CDH6: variants seen among roughly 807,000 people sequenced by gnomAD.
The protein encoded by CDH6 is cadherin-6.
Under a neutral mutation model 78.0 loss-of-function variants are expected in CDH6, and 31 were observed. The ratio of observed to expected loss-of-function variants is 0.40; its 90% CI spans 0.30 to 0.54. The LOEUF (loss-of-function observed/expected upper bound fraction) is 0.54. Ranked by LOEUF, CDH6 falls within the 20% of genes least tolerant of loss-of-function variation. The pLI, the probability that CDH6 is intolerant of heterozygous loss-of-function variation, is 0.56. For missense variants in CDH6, 724 were observed against 975.9 expected (o/e 0.74, Z 3.44); for synonymous variants, 376 against 368.8 (o/e 1.02, Z -0.23).
chr5:31,265,206 T>C (rs1328326109), intron 1 of CDH6, among the ~76,000 whole-genome samples: 1 of 152,234 alleles, frequency 6.6e-6, no homozygotes, highest in African/African-American at 2.4e-5. Flanking sequence ...AGGGCTTTTC[T>C]CCATATGCAC....
At chr5:31,236,644 A>T (rs905376690) in intron 1 of CDH6, among the ~76,000 whole-genome samples, 7 of 151,942 alleles carry the variant, frequency 4.6e-5, no homozygotes, top group African/African-American at 1.4e-4. Context: ...CTGGGGATTT[A>T]AAAAAAAGGA....
chr5:31,218,539 C>CG (rs1163553670), intron 1 of CDH6, among the ~76,000 whole-genome samples: 2 of 152,164 alleles, frequency 1.3e-5, no homozygotes, highest in African/African-American at 4.8e-5. Context: ...CTATCTTCCC[C>CG]CATTCTACCC....
intron 2 of CDH6, among the ~76,000 whole-genome samples, chr5:31,282,289 G>T (rs4624800): frequency 6.6e-6 from 1 of 151,926 alleles, no homozygotes; most frequent in South Asian, 2.1e-4. Flanking sequence ...TCCATTTCCC[G>T]TCTTTTCCAG....
chr5:31,320,135 A>G (rs1738440557), intron 11 of CDH6, among the ~76,000 whole-genome samples: 1 of 152,224 alleles, frequency 6.6e-6, no homozygotes, highest in African/African-American at 2.4e-5. Context: ...TCACTTTCTA[A>G]GAATGTGTTT....
intron 1 of CDH6, among the ~76,000 whole-genome samples, chr5:31,238,891 G>A (rs60966433): frequency 9.2e-5 from 14 of 152,338 alleles, no homozygotes; most frequent in African/African-American, 3.4e-4. Flanking sequence ...GAAGTTAAAA[G>A]CTAGTCTGAG....
rs747152944 is a variant in CDH6, at chr5:31,267,710, C to A, written c.228+9C>A. ...ATCAGTATGTGGGCAAGGTAGGATT[C>A]CTTTGAGTGCTTTGACATTCTGGGT... On this transcript the variant is annotated intron_variant, in intron 2 of 11. Coordinates refer to ENST00000265071, the MANE Select transcript of CDH6 (RefSeq NM_004932.4). 6.3e-7 allele frequency: 1 copy of A among 1,595,048 alleles called. No homozygotes were observed. The highest frequency in any genetic ancestry group is 1.7e-5 in the Admixed American group (1 of 59,972).
chr5:31,318,287 G>A, intron 11 of CDH6: 1 of 479,914 alleles, frequency 2.1e-6, no homozygotes, highest in South Asian at 3.9e-5. Flanking sequence ...GGCATGGAGT[G>A]TATGATGAGG....
Position 31,302,304 on chromosome 5 carries a change from G to A in CDH6, c.999+6G>A. The A allele has an allele frequency of 6.2e-7, 1 of 1,606,078 alleles. No homozygotes were observed. Among genetic ancestry groups the A allele is most frequent in the Non-Finnish European group, 8.5e-7 (1 of 1,174,000 alleles). ...GGATTATAACTGTCAAAAAGGTAAT[G>A]CCGCTTCTTAAACACCATACAGAGT... On this transcript the variant is annotated splice_donor_region_variant and intron_variant, in intron 6 of 11. Coordinates refer to ENST00000265071, the MANE Select transcript of CDH6 (RefSeq NM_004932.4).
intron 1 of CDH6, among the ~76,000 whole-genome samples, chr5:31,222,583 T>A (rs1741033137): frequency 1.3e-5 from 2 of 152,164 alleles, no homozygotes; most frequent in Admixed American, 1.3e-4. Flanking sequence ...CCAAGTTCAG[T>A]GCTAAGACTT....
chr5:31,300,251 C>T (rs1277542753), intron 5 of CDH6, among the ~76,000 whole-genome samples: 1 of 152,168 alleles, frequency 6.6e-6, no homozygotes, highest in Non-Finnish European at 1.5e-5. Flanking sequence ...TAAAAATTCT[C>T]ACATAGAGCT....
At chr5:31,246,061 C>G (rs1473372837) in intron 1 of CDH6, among the ~76,000 whole-genome samples, 1 of 151,936 alleles carries the variant, frequency 6.6e-6, no homozygotes, top group Non-Finnish European at 1.5e-5. Context: ...GCACACACCA[C>G]CACACCCAGC....
Position 31,316,307 on chromosome 5 carries a change from G to A in CDH6, c.1490G>A (p.Cys497Tyr), listed in dbSNP as rs1388026051. The A allele has an allele frequency of 2.5e-6, 4 of 1,612,772 alleles. No individual in the cohort carries two copies. The highest frequency in any genetic ancestry group is 2.5e-6 in the Non-Finnish European group (3 of 1,179,466). Residue 497 changes from cysteine (C) to tyrosine (Y), a missense_variant, in exon 9 of 12, where the codon TGT becomes TAT. Around this residue, in one of 3 missense-constraint regions of CDH6, gnomAD observed 446 missense variants for 684.5 expected, o/e 0.65. Transcript: ENST00000265071. ...GCTGAGTTCTATGAAACTTTTGTCT[G>A]TGAAAAAGCAAAGGCAGATCAGGTG... The part of the protein sequence containing the change: ...EFAEFYETFV[C>Y]EKAKADQLIQ...
In CDH6 at chr5:31,328,039, T is replaced by C; in HGVS notation, c.*4731T>C. 9.2e-6 allele frequency: 2 copies of C among 217,854 alleles called. No individual in the cohort carries two copies. The highest frequency in any genetic ancestry group is 6.7e-5 in the East Asian group (1 of 14,892). 13.5% of individuals were successfully genotyped at this position (217,854 alleles called of 1,614,324 possible). On this transcript the variant is annotated 3_prime_UTR_variant, in exon 12 of 12. Transcript: ENST00000265071. ...ACGTTAGCCCAACAGAGCCGGCAGA[T>C]GAAAGTGTTGAAAAGAGGTCAAATG...
At chr5:31,215,532 A>C (rs997305563) in intron 1 of CDH6, among the ~76,000 whole-genome samples, 3 of 152,114 alleles carry the variant, frequency 2.0e-5, no homozygotes, top group African/African-American at 7.2e-5. Flanking sequence ...TGTGCAGCAG[A>C]CTCATTATTT....
At chr5:31,279,399 C>T (rs1460991386) in intron 2 of CDH6, among the ~76,000 whole-genome samples, 1 of 151,922 alleles carries the variant, frequency 6.6e-6, no homozygotes, top group African/African-American at 2.4e-5. Context: ...AAAACTCCAT[C>T]TCTACCAAAA....
intron 1 of CDH6, among the ~76,000 whole-genome samples, chr5:31,242,333 G>C (rs928413580): frequency 6.6e-6 from 1 of 152,108 alleles, no homozygotes; most frequent in African/African-American, 2.4e-5. Context: ...TTAATCACTA[G>C]ATCAGAGCAT....
chr5:31,240,618 C>T (rs1409469787), intron 1 of CDH6, among the ~76,000 whole-genome samples: 1 of 152,182 alleles, frequency 6.6e-6, no homozygotes, highest in Non-Finnish European at 1.5e-5. Context: ...ACTCAGACAG[C>T]TCACCAACTA....
rs548620365 is a variant in CDH6, at chr5:31,325,562, G to C, written c.*2254G>C. On this transcript the variant is annotated 3_prime_UTR_variant, in exon 12 of 12. Transcript: ENST00000265071. The stretch of plus-strand genomic sequence containing the variant: ...TCACGTAACAAATTGAATCAAGGAA[G>C]ATAGTCCTGTAAAAAGAAAGGTATC... The C allele has an allele frequency of 4.3e-6, 1 of 230,882 alleles. No individual in the cohort carries two copies. Among genetic ancestry groups the C allele is most frequent in the Admixed American group, 5.6e-5 (1 of 17,706 alleles). The allele number at this position is 230,882 out of a possible 1,614,324, so 14.3% of individuals were successfully genotyped here. A position where few individuals can be genotyped will look rare whatever the true frequency, so the allele number is the denominator to read the frequency against.
chr5:31,240,962 A>G (rs548555328), intron 1 of CDH6, among the ~76,000 whole-genome samples: 5 of 152,332 alleles, frequency 3.3e-5, no homozygotes, highest in South Asian at 2.1e-4. Flanking sequence ...GTCCTGTCCA[A>G]TTGGAAGTTC....
Sources: allele counts gnomAD v4.1 joint callset (sites outside exome capture counted in the v4.1 genomes callset), GRCh38; gene constraint gnomAD v4.1.1; regional missense constraint gnomAD v4.1.1; transcripts MANE v1.5; gene names NCBI Gene and HGNC (gene_info 2026-07-23, HGNC 2026-07-21).